The following AUH variants were observed in gnomAD, a reference collection of about 807,000 sequenced individuals.
AUH encodes methylglutaconyl-CoA hydratase, mitochondrial.
In AUH, 29 loss-of-function variants were observed where a neutral mutation model predicts 42.3. The ratio of observed to expected loss-of-function variants is 0.69; its 90% CI spans 0.51 to 0.93. The LOEUF is 0.93. Among genes scored for constraint, AUH ranks in the 40% least tolerant of loss-of-function variants. The pLI is 0.00. For synonymous variants in AUH, 174 were observed against 166.4 expected, an observed-to-expected ratio of 1.05 and a Z score of -0.35; for missense variants, 452 against 438.1, an observed-to-expected ratio of 1.03 and a Z score of -0.28.
In AUH at chr9:91,213,985, T is replaced by A. The variant is rs1826683802; in HGVS notation, c.*363A>T. ...TTTTTGGTATATAGAAATTTTATTT[T>A]CTTAATGCAGCACAGTAGACATACA... On this transcript the variant is annotated 3_prime_UTR_variant, in exon 10 of 10. Coordinates refer to ENST00000375731, the MANE Select transcript of AUH (RefSeq NM_001698.3). 5.6e-6 allele frequency: 1 copy of A among 179,916 alleles called. No individual in the cohort carries two copies. Among genetic ancestry groups the A allele is most frequent in the African/African-American group, 2.4e-5 (1 of 42,166 alleles). 11.1% of individuals were successfully genotyped at this position (179,916 alleles called of 1,614,324 possible). A position where few individuals can be genotyped will look rare whatever the true frequency, so the allele number is the denominator to read the frequency against.
chr9:91,268,577 C>T (rs1412308872), intron 6 of AUH, among the ~76,000 whole-genome samples: 3 of 151,886 alleles, frequency 2.0e-5, no homozygotes, highest in African/African-American at 7.3e-5. Context: ...ACTACAGGCG[C>T]ACGCTGCCAC....
chr9:91,306,939 T>C (rs1366349918), intron 4 of AUH, among the ~76,000 whole-genome samples: 1 of 152,206 alleles, frequency 6.6e-6, no homozygotes, highest in Non-Finnish European at 1.5e-5. Flanking sequence ...AATGGAATAC[T>C]ACTCATCAAT....
intron 6 of AUH, among the ~76,000 whole-genome samples, chr9:91,280,874 T>C (rs1458274000): frequency 6.6e-6 from 1 of 152,232 alleles, no homozygotes; most frequent in Non-Finnish European, 1.5e-5. Flanking sequence ...TATTATTTTC[T>C]GCACATGGAA....
intron 6 of AUH, among the ~76,000 whole-genome samples, chr9:91,243,369 T>G (rs1439087401): frequency 6.6e-6 from 1 of 152,250 alleles, no homozygotes; most frequent in Non-Finnish European, 1.5e-5. Flanking sequence ...CTATCTCATC[T>G]GTTATCAGAG....
chr9:91,327,338 T>C (rs2457715), intron 3 of AUH, among the ~76,000 whole-genome samples: 100,662 of 152,004 alleles, frequency 0.66, 35,589 homozygotes, highest in East Asian at 0.95. Context: ...AGAGAGTCCA[T>C]AAACAGAGAG....
At chr9:91,237,477 T>A (rs1434136026) in intron 6 of AUH, among the ~76,000 whole-genome samples, 2 of 152,234 alleles carry the variant, frequency 1.3e-5, no homozygotes, top group African/African-American at 4.8e-5. Context: ...AATATTAAAA[T>A]GAGTTTCTAG....
intron 6 of AUH, among the ~76,000 whole-genome samples, chr9:91,264,033 AC>A (rs1829839066): frequency 6.6e-6 from 1 of 152,176 alleles, no homozygotes; most frequent in African/African-American, 2.4e-5. Context: ...TTTTCCTATA[AC>A]ATCAAGATTA....
chr9:91,289,320 C>A (rs1191728193), intron 6 of AUH, among the ~76,000 whole-genome samples: 1 of 152,192 alleles, frequency 6.6e-6, no homozygotes, highest in African/African-American at 2.4e-5. Context: ...ATTTTTTCCA[C>A]AATATTTTCC....
rs1824945782 is a variant in AUH at position 91,269,586 on chromosome 9, T to G, written c.655+26435A>C. On this transcript the variant is annotated intron_variant, in intron 6 of 9. Coordinates refer to ENST00000375731, the MANE Select transcript of AUH (RefSeq NM_001698.3). ...TGCCTTTAATGAGAAAAGTACATTT[T>G]ATTCTGTATTAATGAATTTCCAAAT... Among the ~76,000 whole-genome samples, 3 of 152,256 alleles carry G rather than the reference T, an allele frequency of 2.0e-5. No homozygotes were observed. The South Asian group carries it at 6.2e-4, about 31-fold the overall frequency.
chr9:91,352,864 T>A (rs1338728123), intron 3 of AUH, among the ~76,000 whole-genome samples: 1 of 152,182 alleles, frequency 6.6e-6, no homozygotes, highest in East Asian at 1.9e-4. Flanking sequence ...ATGTAAAAGA[T>A]GATTCTCAAA....
chr9:91,227,493 T>A (rs1424086009), intron 6 of AUH, among the ~76,000 whole-genome samples: 3 of 128,290 alleles, frequency 2.3e-5, no homozygotes, highest in Non-Finnish European at 5.0e-5. Flanking sequence ...TCATGTCATC[T>A]GCAAACAGGG....
chr9:91,273,196 G>A (rs182829449), intron 6 of AUH, among the ~76,000 whole-genome samples: 3 of 152,186 alleles, frequency 2.0e-5, no homozygotes, highest in Non-Finnish European at 4.4e-5. Context: ...GGACCCTGCT[G>A]CCCTGGGCAG....
At position 91,275,582 on chromosome 9, in the gene AUH, G is replaced by A. The variant is rs1825477095; in HGVS notation, c.655+20439C>T. Among the ~76,000 whole-genome samples, 3 of 152,186 alleles carry A rather than the reference G, an allele frequency of 2.0e-5. No homozygotes were observed. In the South Asian group the frequency reaches 6.2e-4, roughly 32 times the overall value. ...AATAAGTGTTCTCAACCACTTGACA[G>A]AGTGAATCTTAACACGGCATCAGGT... On this transcript the variant is annotated intron_variant, in intron 6 of 9. Transcript: ENST00000375731.
Position 91,361,836 on chromosome 9 carries a change from G to T in AUH, c.54C>A (p.Gly18=). The change falls in exon 1 of 10, where the codon GGC becomes GGA. Residue 18 remains glycine, a synonymous_variant. Coordinates refer to ENST00000375731, the MANE Select transcript of AUH (RefSeq NM_001698.3). Reference sequence around the variant, plus strand: ...TGCAAGCGGCCACCAGGCGGGCGCCGCCAGCATGCAGGGATCCCAAGGCCC... The same window carrying T: ...TGCAAGCGGCCACCAGGCGGGCGCCTCCAGCATGCAGGGATCCCAAGGCCC... ...APGALGSLHA[G]GARLVAACSA... is the part of the protein sequence containing the mutation. 8.0e-6 allele frequency: 12 copies of T among 1,500,922 alleles called. No homozygotes were observed. Among genetic ancestry groups the T allele is most frequent in the Non-Finnish European group, 1.1e-5 (12 of 1,130,856 alleles). The allele number at this position is 1,500,922 out of a possible 1,614,324, so 93.0% of individuals were successfully genotyped here. A position where few individuals can be genotyped will look rare whatever the true frequency, so the allele number is the denominator to read the frequency against.
chr9:91,308,990 C>T (rs1395774067), intron 4 of AUH, among the ~76,000 whole-genome samples: 6 of 151,780 alleles, frequency 4.0e-5, no homozygotes, highest in African/African-American at 7.3e-5. Context: ...TGGGGTTTCA[C>T]CCTGTTGGCC....
chr9:91,349,641 ATGTG>A (rs749815685), intron 3 of AUH, among the ~76,000 whole-genome samples: 1 of 150,748 alleles, frequency 6.6e-6, no homozygotes, highest in Non-Finnish European at 1.5e-5. Flanking sequence ...GTGTGTGTGT[ATGTG>A]TGTGTGGGTG....
intron 4 of AUH, among the ~76,000 whole-genome samples, chr9:91,313,225 AGG>A (rs1828849353): frequency 6.6e-6 from 1 of 152,188 alleles, no homozygotes; most frequent in Non-Finnish European, 1.5e-5. Flanking sequence ...GGCATTTTGC[AGG>A]AGTGACTATA....
At chr9:91,318,050 G>T (rs952353339) in intron 4 of AUH, among the ~76,000 whole-genome samples, 1 of 152,092 alleles carries the variant, frequency 6.6e-6, no homozygotes, top group Non-Finnish European at 1.5e-5. Flanking sequence ...TTCTTCCATT[G>T]TTTCTCTCGG....
At chr9:91,322,048 A>T (rs547138405) in intron 4 of AUH, among the ~76,000 whole-genome samples, 1 of 152,320 alleles carries the variant, frequency 6.6e-6, no homozygotes, top group Non-Finnish European at 1.5e-5. Flanking sequence ...GTCCTTCAAA[A>T]TGTCTGGAAT....
Sources: allele counts gnomAD v4.1 joint callset (sites outside exome capture counted in the v4.1 genomes callset), GRCh38; gene constraint gnomAD v4.1.1; transcripts MANE v1.5; gene names NCBI Gene and HGNC (gene_info 2026-07-23, HGNC 2026-07-21).